Variants in XDH observed in about 807,000 individuals in gnomAD.
XDH encodes xanthine dehydrogenase/oxidase.
In XDH, 138 loss-of-function variants were observed where a neutral mutation model predicts 156.1. That is an observed-to-expected ratio of 0.88 (90% confidence interval 0.77 to 1.02). The LOEUF (loss-of-function observed/expected upper bound fraction) is 1.02, where lower values mean the gene tolerates loss of function less well. Among genes scored for constraint, XDH ranks in the 50% least tolerant of loss-of-function variants. The probability of loss-of-function intolerance (pLI) is 0.00; values close to 1 mark genes in which losing one functional copy is unlikely to be tolerated. For synonymous variants in XDH, 669 were observed against 625.7 expected (o/e 1.07, Z -1.03); for missense variants, 1,849 against 1,684.9 (o/e 1.10, Z -1.71).
chr2:31,379,391 C>T (rs1014504282), intron 13 of XDH, among the ~76,000 whole-genome samples: 1 of 152,206 alleles, frequency 6.6e-6, no homozygotes, highest in Non-Finnish European at 1.5e-5. Context: ...ACCCCACATT[C>T]TTTACCACGG....
In XDH at chr2:31,342,214, A is replaced by G. The variant is rs142988357; in HGVS notation, c.3488T>C (p.Val1163Ala). The G allele has an allele frequency of 1.2e-5, 19 of 1,614,126 alleles. No individual in the cohort carries two copies. Among genetic ancestry groups the G allele is most frequent in the Non-Finnish European group, 1.6e-5 (19 of 1,179,990 alleles). Residue 1163 changes from valine to alanine, a missense_variant, in exon 32 of 36, where the codon GTA (valine) becomes GCA (alanine). By Grantham distance (64) the Val-to-Ala change is moderately conservative (BLOSUM62 0). Transcript: ENST00000379416. ...ATCTCCTGTTAGGCAGTCGATTTCT[A>G]CTTCAGAGCAAGCCACCCCATAGCT... ...YFSYGVACSEVEIDCLTGDHK... is the reference protein window; with the variant it reads ...YFSYGVACSEAEIDCLTGDHK...
chr2:31,399,333 G>A (rs1686994031), intron 4 of XDH, among the ~76,000 whole-genome samples: 1 of 152,088 alleles, frequency 6.6e-6, no homozygotes, highest in South Asian at 2.1e-4. Context: ...AGAAGGGGAG[G>A]GGCCCAGGTC....
At chr2:31,405,241 A>G (rs1033477849) in intron 2 of XDH, among the ~76,000 whole-genome samples, 2 of 152,174 alleles carry the variant, frequency 1.3e-5, no homozygotes, top group East Asian at 3.9e-4. Context: ...CTGCCTGTAT[A>G]TAGGAAGTGC....
At chr2:31,381,760 A>C in intron 11 of XDH, 34 bp from the exon 12 acceptor site, 1 of 1,574,174 alleles carries the variant, frequency 6.4e-7, no homozygotes, top group Non-Finnish European at 8.7e-7. Context: ...GTGAGAGCCC[A>C]CCCCAGGAAA....
At position 31,344,747 on chromosome 2, in the gene XDH, G is replaced by T; in HGVS notation, c.3352-11C>A. ...GTAGGCAGCTGTGACCTGAGGAGAG[G>T]AGATGGCCATCAGGCAGGTGAAGTG... is the stretch of plus-strand genomic sequence containing the variant. On this transcript the variant is annotated splice_polypyrimidine_tract_variant and intron_variant, in intron 30 of 35. Coordinates refer to ENST00000379416, the MANE Select transcript of XDH (RefSeq NM_000379.4). 6.2e-7 allele frequency: 1 copy of T among 1,614,112 alleles called. No homozygotes were observed.
At chr2:31,369,455 G>A (rs528487719) in intron 18 of XDH, among the ~76,000 whole-genome samples, 4 of 152,238 alleles carry the variant, frequency 2.6e-5, no homozygotes, top group African/African-American at 9.6e-5. Context: ...AAAAATTTTT[G>A]TACAACACAT....
Position 31,341,401 on chromosome 2 carries a change from T to C in XDH, c.3520-7A>G. On this transcript the variant is annotated splice_region_variant and splice_polypyrimidine_tract_variant and intron_variant, in intron 32 of 35. Transcript: ENST00000379416. ...CAATATCTGTGCGGAGGTTCTAGAG[T>C]AGACAGCAAAATTACAAGAAGTTAG... The C allele has an allele frequency of 6.4e-7, 1 of 1,571,608 alleles. No individual in the cohort carries two copies. The highest frequency in any genetic ancestry group is 8.7e-7 in the Non-Finnish European group (1 of 1,155,614).
rs748166717 is a variant in XDH, at chr2:31,366,992, C to T, written c.2200G>A (p.Glu734Lys). The T allele has an allele frequency of 2.5e-6, 4 of 1,614,142 alleles. No individual in the cohort carries two copies. The highest frequency in any genetic ancestry group is 3.3e-4 in the Middle Eastern group (2 of 6,062). ...FSEADNVVSGEIYIGGQEHFY... is the reference protein window; with the variant it reads ...FSEADNVVSGKIYIGGQEHFY... Reference sequence around the variant, plus strand: ...TGCTCTTGGCCACCGATGTATATCTCCCCTGGGGAAGCAGTGAGATCCCTC... The same window carrying T: ...TGCTCTTGGCCACCGATGTATATCTTCCCTGGGGAAGCAGTGAGATCCCTC... Residue 734 changes from glutamate (E) to lysine (K), a missense_variant and splice_region_variant, in exon 21 of 36, where the codon GAG (glutamate) becomes AAG (lysine). Transcript: ENST00000379416.
In XDH at chr2:31,373,627, T is replaced by C. The variant is rs533772479; in HGVS notation, c.1686+246A>G. On this transcript the variant is annotated intron_variant, in intron 16 of 35. Coordinates refer to ENST00000379416, the MANE Select transcript of XDH (RefSeq NM_000379.4). Reference sequence around the variant, plus strand: ...TTATCCATCACGTAAAAAAAAAAAATCTGTAAGGAAGAGGGGCAGCTAAGA... The same window carrying C: ...TTATCCATCACGTAAAAAAAAAAAACCTGTAAGGAAGAGGGGCAGCTAAGA... Among the ~76,000 whole-genome samples, 3 of 151,668 alleles carry C rather than the reference T, an allele frequency of 2.0e-5. No individual in the cohort carries two copies. The South Asian group carries it at 6.3e-4, about 32-fold the overall frequency.
Position 31,339,385 on chromosome 2 carries a change from C to A in XDH, c.3774+104G>T, listed in dbSNP as rs1468341367. ...AACCATCTTCCCTCCTCAAGATATG[C>A]CCTTTGAAGTCCCACCAGGTGGGTC... On this transcript the variant is annotated intron_variant, in intron 34 of 35. Transcript: ENST00000379416. The A allele has an allele frequency of 9.5e-6, 14 of 1,469,216 alleles. No individual in the cohort carries two copies. In the East Asian group the frequency reaches 3.2e-4, roughly 33 times the overall value. 91.0% of individuals were successfully genotyped at this position (1,469,216 alleles called of 1,614,324 possible).
intron 14 of XDH, among the ~76,000 whole-genome samples, chr2:31,376,018 A>G (rs910105993): frequency 6.6e-6 from 1 of 152,198 alleles, no homozygotes; most frequent in Non-Finnish European, 1.5e-5. Context: ...TATTGATCCT[A>G]TGTGGGTGCT....
At chr2:31,413,183 C>A (rs370373687) in intron 1 of XDH, among the ~76,000 whole-genome samples, 31 of 152,304 alleles carry the variant, frequency 2.0e-4, no homozygotes, top group African/African-American at 7.0e-4. Flanking sequence ...TTGAATCTAG[C>A]TGTTTACCCA....
intron 13 of XDH, among the ~76,000 whole-genome samples, chr2:31,379,630 A>G (rs1185072957): frequency 6.6e-6 from 1 of 152,184 alleles, no homozygotes; most frequent in Non-Finnish European, 1.5e-5. Flanking sequence ...CTCAGGACCA[A>G]GTTTCTAGCT....
At chr2:31,400,148 G>A (rs45464802) in intron 4 of XDH, among the ~76,000 whole-genome samples, 24 of 151,898 alleles carry the variant, frequency 1.6e-4, no homozygotes, top group African/African-American at 4.1e-4. Context: ...CAGCCTCTCC[G>A]CAGGAGGCTC....
intron 34 of XDH, among the ~76,000 whole-genome samples, chr2:31,339,178 G>A (rs1001590528): frequency 1.3e-5 from 2 of 152,100 alleles, no homozygotes; most frequent in Non-Finnish European, 2.9e-5. Context: ...CACCAGTGAC[G>A]TACGCCTGAG....
intron 2 of XDH, 58 bp downstream of exon 2, chr2:31,405,849 A>G (rs1347399094): frequency 6.3e-7 from 1 of 1,598,666 alleles, no homozygotes; most frequent in Non-Finnish European, 8.6e-7. Flanking sequence ...TGTAAGGCCT[A>G]CAGAATCAGT....
chr2:31,353,951 G>T (rs1193380090), intron 24 of XDH, among the ~76,000 whole-genome samples: 1 of 152,132 alleles, frequency 6.6e-6, no homozygotes, highest in African/African-American at 2.4e-5. Flanking sequence ...TTATGATGGA[G>T]TCACTGGAGA....
intron 17 of XDH, among the ~76,000 whole-genome samples, chr2:31,371,577 CA>C (rs1404060726): frequency 6.6e-6 from 1 of 152,070 alleles, no homozygotes; most frequent in African/African-American, 2.4e-5. Context: ...TGAGCGTAGA[CA>C]ATGTGGGTTA....
At chr2:31,374,764 T>C (rs1011789180) in intron 15 of XDH, among the ~76,000 whole-genome samples, 9 of 152,162 alleles carry the variant, frequency 5.9e-5, no homozygotes, top group African/African-American at 2.2e-4. Context: ...TTATTGTCCA[T>C]GTTCTCCCCG....
Sources: allele counts gnomAD v4.1 joint callset (sites outside exome capture counted in the v4.1 genomes callset), GRCh38; gene constraint gnomAD v4.1.1; transcripts MANE v1.5; gene names NCBI Gene and HGNC (gene_info 2026-07-23, HGNC 2026-07-21).